ADGRL1: variants seen among roughly 807,000 people sequenced by gnomAD.
The protein encoded by ADGRL1 is adhesion G protein-coupled receptor L1.
ADGRL1 carries 31 observed loss-of-function variants against 148.9 expected under a neutral mutation model. The observed-to-expected ratio is 0.21, with a 90% confidence interval of 0.16 to 0.28. The LOEUF is 0.28. Ranked by LOEUF, ADGRL1 falls within the 10% of genes least tolerant of loss-of-function variation. The pLI, the probability that ADGRL1 is intolerant of heterozygous loss-of-function variation, is 1.00. For missense variants in ADGRL1, 1,521 were observed against 2,058.8 expected, an observed-to-expected ratio of 0.74 and a Z score of 5.05; for synonymous variants, 937 against 900.3, an observed-to-expected ratio of 1.04 and a Z score of -0.73.
intron 2 of ADGRL1, among the ~76,000 whole-genome samples, chr19:14,180,797 T>TC (rs1971138326): frequency 6.6e-6 from 1 of 152,120 alleles, no homozygotes; most frequent in South Asian, 2.1e-4. Flanking sequence ...CAAGCAATCC[T>TC]CCCACCTTGG....
intron 1 of ADGRL1, among the ~76,000 whole-genome samples, chr19:14,200,330 T>G (rs1250117799): frequency 6.6e-6 from 1 of 152,194 alleles, no homozygotes; most frequent in Non-Finnish European, 1.5e-5. Context: ...CGCCTTGTAC[T>G]TTAAACACAC....
Position 14,160,819 on chromosome 19 carries a change from G to C in ADGRL1, c.1511-123C>G. ...CGAGCGGGCGAAGAGGGAGGTGAGG[G>C]AAACACGGAGAAACAGACATGAAGC... On this transcript the variant is annotated intron_variant, in intron 6 of 22. Coordinates refer to ENST00000361434, the MANE Select transcript of ADGRL1 (RefSeq NM_014921.5). The surrounding 1 kb of genome is among the most constrained non-coding windows in gnomAD (Gnocchi z 5.9). 9 of 693,404 alleles carry C rather than the reference G, an allele frequency of 1.3e-5. No homozygotes were observed. Among genetic ancestry groups the C allele is most frequent in the South Asian group, 3.1e-5 (2 of 64,438 alleles). 43.0% of individuals were successfully genotyped at this position (693,404 alleles called of 1,614,324 possible).
In ADGRL1 at chr19:14,162,955, G is replaced by A. The variant is rs536538011; in HGVS notation, c.846C>T (p.Asn282=). The change falls in exon 5 of 23, where the codon AAC becomes AAT. Residue 282 remains asparagine (N), a synonymous_variant. Coordinates refer to ENST00000361434, the MANE Select transcript of ADGRL1 (RefSeq NM_014921.5). This position sits in a 1 kb window ranked among gnomAD's most constrained non-coding sequence, Gnocchi z 5.4. ...LWVIYATEGN[N]GRLVVSQLNP... ...TCAGCTGGCTCACCACCAGCCGCCC[G>A]TTGTTGCCCTCAGTGGCGTAGATGA... The A allele has an allele frequency of 4.5e-5, 73 of 1,613,598 alleles. No individual in the cohort carries two copies. The highest frequency in any genetic ancestry group is 4.2e-4 in the South Asian group (38 of 91,028).
Position 14,157,124 on chromosome 19 carries a change from C to T in ADGRL1, c.2767G>A (p.Gly923Ser), listed in dbSNP as rs765501479. ...QYEIACPIFAGLLHYFFLAAF... is the reference protein window; with the variant it reads ...QYEIACPIFASLLHYFFLAAF... ...GCCAGGAAGAAATAGTGCAGCAGGC[C>T]GGCGAAGATGGGGCAGGCAATCTGC... Residue 923 changes from glycine to serine, a missense_variant, in exon 15 of 23, where the codon GGC becomes AGC. Gly to Ser is a moderately conservative substitution (Grantham distance 56). Around this residue, in one of 8 missense-constraint regions of ADGRL1, gnomAD observed 26 missense variants for 75.0 expected, o/e 0.35. Transcript: ENST00000361434. This position sits in a 1 kb window ranked among gnomAD's most constrained non-coding sequence, Gnocchi z 7.5. 13 of 1,613,810 alleles carry T rather than the reference C, an allele frequency of 8.1e-6. No homozygotes were observed. Among genetic ancestry groups the T allele is most frequent in the South Asian group, 2.2e-5 (2 of 91,074 alleles).
intron 3 of ADGRL1, among the ~76,000 whole-genome samples, chr19:14,175,443 CTCAG>C (rs911640208): frequency 1.3e-4 from 19 of 151,564 alleles, no homozygotes; most frequent in Admixed American, 2.0e-4. Context: ...AAACACACAC[CTCAG>C]TCAGCCACAC....
chr19:14,204,713 TGAGA>T (rs74181774), intron 1 of ADGRL1, among the ~76,000 whole-genome samples: 48,749 of 142,642 alleles, frequency 0.34, 8,079 homozygotes, highest in East Asian at 0.41. Context: ...ACAGAGAGAG[TGAGA>T]GAGAGAGAGA....
intron 1 of ADGRL1, among the ~76,000 whole-genome samples, chr19:14,193,199 G>T (rs1321572384): frequency 6.7e-6 from 1 of 149,438 alleles, no homozygotes; most frequent in African/African-American, 2.5e-5. Context: ...TGTCCCCCGG[G>T]AGACCCAGGC....
intron 1 of ADGRL1, among the ~76,000 whole-genome samples, chr19:14,201,992 G>C (rs1272970113): frequency 6.6e-6 from 1 of 152,158 alleles, no homozygotes; most frequent in East Asian, 1.9e-4. Flanking sequence ...GGGTGGGGGA[G>C]AAAAAGCCTC....
chr19:14,185,736 T>C (rs1971538111), intron 1 of ADGRL1, among the ~76,000 whole-genome samples: 3 of 152,206 alleles, frequency 2.0e-5, no homozygotes, highest in Non-Finnish European at 4.4e-5. Flanking sequence ...ATCTCTTATG[T>C]CCAGCCTGGA....
chr19:14,199,303 C>T (rs147555095), intron 1 of ADGRL1, among the ~76,000 whole-genome samples: 7,526 of 152,206 alleles, frequency 0.049, 192 homozygotes, highest in African/African-American at 0.077. Flanking sequence ...GGAGCATCTT[C>T]TATGTGCCAG....
At chr19:14,198,284 G>A (rs946333230) in intron 1 of ADGRL1, among the ~76,000 whole-genome samples, 1 of 152,198 alleles carries the variant, frequency 6.6e-6, no homozygotes, top group South Asian at 2.1e-4. Flanking sequence ...GATCTGGCTC[G>A]GGTGTTCACA....
At chr19:14,175,605 CAG>C (rs770569645) in intron 3 of ADGRL1, among the ~76,000 whole-genome samples, 7 of 150,712 alleles carry the variant, frequency 4.6e-5, no homozygotes, top group Admixed American at 6.6e-5. Context: ...CACACTCATA[CAG>C]ACACACTCAG....
intron 3 of ADGRL1, among the ~76,000 whole-genome samples, chr19:14,176,781 G>A (rs1970855115): frequency 6.6e-6 from 1 of 151,934 alleles, no homozygotes. Context: ...CACAGCTGCA[G>A]TGAGCTGTGA....
intron 3 of ADGRL1, among the ~76,000 whole-genome samples, chr19:14,174,850 T>C (rs1970711613): frequency 6.7e-6 from 1 of 149,616 alleles, no homozygotes; most frequent in African/African-American, 2.5e-5. Context: ...TTTTTTTTTT[T>C]TTTTTTTTAG....
intron 2 of ADGRL1, 131 bp from the exon 3 acceptor site, chr19:14,177,875 T>C (rs1970933270): frequency 1.4e-6 from 1 of 736,652 alleles, no homozygotes. Flanking sequence ...CCTCAGTTGA[T>C]TCAGCTGTAG....
At chr19:14,153,956 A>G (rs1968474568) in intron 18 of ADGRL1, among the ~76,000 whole-genome samples, 1 of 151,422 alleles carries the variant, frequency 6.6e-6, no homozygotes, top group Non-Finnish European at 1.5e-5. Flanking sequence ...TAATAATGAT[A>G]ATAAAAAAAA....
intron 1 of ADGRL1, among the ~76,000 whole-genome samples, chr19:14,203,353 G>A (rs909969846): frequency 4.6e-5 from 7 of 152,128 alleles, no homozygotes; most frequent in African/African-American, 1.4e-4. Context: ...ATGCTCTGGC[G>A]GGGATGGCAG....
chr19:14,184,630 A>ATTTC (rs1568618689), intron 1 of ADGRL1, among the ~76,000 whole-genome samples: 1 of 88,490 alleles, frequency 1.1e-5, no homozygotes, highest in Non-Finnish European at 2.4e-5. Flanking sequence ...TTATTTATTT[A>ATTTC]TTTATTTATT....
In ADGRL1 at chr19:14,157,065, G is replaced by A. The variant is rs371414945; in HGVS notation, c.2826C>T (p.His942=). The change falls in exon 15 of 23, where the codon CAC becomes CAT. Residue 942 remains histidine (H), a synonymous_variant. Coordinates refer to ENST00000361434, the MANE Select transcript of ADGRL1 (RefSeq NM_014921.5). This position sits in a 1 kb window ranked among gnomAD's most constrained non-coding sequence, Gnocchi z 7.5. ...ACACCTCCACTAGTAGCAGGTAGAG[G>A]TGCACGCCCTCCAGGCACAGCCAGG... ...AFSWLCLEGV[H]LYLLLVEVFE... is the part of the protein sequence containing the mutation. 11 of 1,614,028 alleles carry A rather than the reference G, an allele frequency of 6.8e-6. No individual in the cohort carries two copies. The highest frequency in any genetic ancestry group is 1.6e-4 in the Middle Eastern group (1 of 6,084).
Sources: allele counts gnomAD v4.1 joint callset (sites outside exome capture counted in the v4.1 genomes callset), GRCh38; gene constraint gnomAD v4.1.1; regional missense constraint gnomAD v4.1.1; non-coding constraint Gnocchi (gnomAD v3.1); transcripts MANE v1.5; gene names NCBI Gene and HGNC (gene_info 2026-07-23, HGNC 2026-07-21).